The following SHROOM2 variants were observed in gnomAD, a reference collection of about 807,000 sequenced individuals.
SHROOM2 encodes shroom family member 2.
In SHROOM2, 33 loss-of-function variants were observed where a neutral mutation model predicts 75.9. The ratio of observed to expected loss-of-function variants is 0.43; its 90% confidence interval spans 0.33 to 0.58. SHROOM2 has a LOEUF of 0.58. Ranked by LOEUF, SHROOM2 falls within the 20% of genes least tolerant of loss-of-function variation. SHROOM2 has a pLI of 0.04. For missense variants in SHROOM2, 1,434 were observed against 1,461.2 expected, an observed-to-expected ratio of 0.98 and a Z score of 0.30; for synonymous variants, 655 against 663.6, an observed-to-expected ratio of 0.99 and a Z score of 0.20.
At chrX:9,825,309 C>T (rs1047105029) in intron 1 of SHROOM2, among the ~76,000 whole-genome samples, 3 of 112,282 alleles carry the variant, frequency 2.7e-5, no homozygotes, top group African/African-American at 9.7e-5. Context: ...GACTGTCTCC[C>T]TAGTAGAGGC....
chrX:9,876,116 A>T (rs2084199561), intron 2 of SHROOM2, among the ~76,000 whole-genome samples: 1 of 112,491 alleles, frequency 8.9e-6, no homozygotes, highest in African/African-American at 3.2e-5. Context: ...CTGCAGACCC[A>T]CTTTCCTTTA....
rs762022883 is a variant in SHROOM2 at position 9,792,308 on chromosome X, G to A, written c.165+5598G>A. ...TTCCAGCTTCTCTTTGGGGGAACAT[G>A]TCTTAGAAGGATAATACTATATCAT... On this transcript the variant is annotated intron_variant, in intron 1 of 9. Transcript: ENST00000380913. Among the ~76,000 whole-genome samples, 4 of 110,674 alleles carry A rather than the reference G, an allele frequency of 3.6e-5. No homozygotes were observed. In the South Asian group the frequency reaches 1.5e-3, roughly 43 times the overall value.
intron 5 of SHROOM2, among the ~76,000 whole-genome samples, chrX:9,915,643 T>C (rs2084483419): frequency 1.8e-5 from 2 of 112,510 alleles, no homozygotes; most frequent in African/African-American, 6.5e-5. Context: ...CTAGAAATTC[T>C]AGGAAAATTT....
chrX:9,894,345 C>G lies in SHROOM2; in HGVS notation c.450-13C>G, dbSNP rs1402376004. ...AAGCACACCATGCCTTGTCCTTCTTCTCATTCTTGCAGTTCTTCCTCCCAC... is the reference window on the plus strand; with the variant it reads ...AAGCACACCATGCCTTGTCCTTCTTGTCATTCTTGCAGTTCTTCCTCCCAC... On this transcript the variant is annotated splice_polypyrimidine_tract_variant and intron_variant, in intron 3 of 9. Transcript: ENST00000380913. 8.4e-7 allele frequency: 1 copy of G among 1,197,174 alleles called. No homozygotes were observed. Among genetic ancestry groups the G allele is most frequent in the East Asian group, 3.0e-5 (1 of 33,689 alleles).
In SHROOM2 at chrX:9,918,507, G is replaced by T. The variant is rs184018870; in HGVS notation, c.2892-13668G>T. 2.9e-4 allele frequency among the ~76,000 whole-genome samples: 32 copies of T among 111,249 alleles called. No homozygotes were observed. In the East Asian group the frequency reaches 3.4e-3, roughly 12 times the overall value. On this transcript the variant is annotated intron_variant, in intron 5 of 9. Coordinates refer to ENST00000380913, the MANE Select transcript of SHROOM2 (RefSeq NM_001649.4). ...ATATCTTTTCTTTTTTTGAGACAGG[G>T]TCTGGTTCTGTCACTCCAGGCTAGA...
rs188814351 is a variant in SHROOM2 at position 9,920,133 on chromosome X, G to A, written c.2892-12042G>A. 4.2e-3 allele frequency among the ~76,000 whole-genome samples: 430 copies of A among 101,687 alleles called. 1 individual carries two copies. Among genetic ancestry groups the A allele is most frequent in the African/African-American group, 0.014 (378 of 26,782 alleles). 88.3% of individuals were successfully genotyped at this position (101,687 alleles called of 115,157 possible). ...TACAACTCATCAGACATCTCAACTC[G>A]CTACAACTCATCAGACAGACATCTC... On this transcript the variant is annotated intron_variant, in intron 5 of 9. Coordinates refer to ENST00000380913, the MANE Select transcript of SHROOM2 (RefSeq NM_001649.4).
intron 5 of SHROOM2, among the ~76,000 whole-genome samples, chrX:9,918,437 G>T (rs773078650): frequency 8.9e-6 from 1 of 111,975 alleles, no homozygotes; most frequent in Admixed American, 9.5e-5. Context: ...TTCTACCTGT[G>T]TCCTCACATG....
At chrX:9,823,756 CTTTTTTCT>C (rs771550878) in intron 1 of SHROOM2, among the ~76,000 whole-genome samples, 12 of 85,890 alleles carry the variant, frequency 1.4e-4, no homozygotes, top group African/African-American at 1.7e-4. Flanking sequence ...TTTCTTTTTT[CTTTTTTCT>C]TTTTTTTTTT....
chrX:9,867,353 A>G (rs1228117610), intron 1 of SHROOM2, among the ~76,000 whole-genome samples: 1 of 111,440 alleles, frequency 9.0e-6, no homozygotes. Flanking sequence ...CTGGGCCGGC[A>G]TCGTCATGGG....
chrX:9,818,861 C>G (rs1221752991), intron 1 of SHROOM2: 1 of 516,844 alleles, frequency 1.9e-6, no homozygotes, highest in Non-Finnish European at 3.5e-6. Flanking sequence ...TTTGCATGAT[C>G]ACTGATTTCA....
chrX:9,812,595 C>A (rs1485806661), intron 1 of SHROOM2, among the ~76,000 whole-genome samples: 2 of 112,193 alleles, frequency 1.8e-5, no homozygotes, highest in Non-Finnish European at 3.8e-5. Context: ...TATTTCCCAT[C>A]CTCTGGCACG....
intron 1 of SHROOM2, among the ~76,000 whole-genome samples, chrX:9,805,139 G>A (rs913666750): frequency 4.5e-5 from 5 of 110,633 alleles, no homozygotes; most frequent in Non-Finnish European, 9.5e-5. Context: ...ATCTCACTCC[G>A]GAGGCTGAGG....
At chrX:9,890,939 A>G (rs1236657486) in intron 2 of SHROOM2, 38 bp from the exon 3 acceptor site, 2 of 1,165,746 alleles carry the variant, frequency 1.7e-6, no homozygotes, top group Non-Finnish European at 2.3e-6. Context: ...CGCTGTGTGC[A>G]GTCCCTGACC....
intron 5 of SHROOM2, among the ~76,000 whole-genome samples, chrX:9,922,553 G>A (rs778624846): frequency 9.1e-6 from 1 of 109,296 alleles, no homozygotes; most frequent in African/African-American, 3.3e-5. Context: ...TTCATTCAGG[G>A]TCGTGCCCCT....
At chrX:9,834,421 C>T (rs1342811065) in intron 1 of SHROOM2, among the ~76,000 whole-genome samples, 1 of 112,047 alleles carries the variant, frequency 8.9e-6, no homozygotes, top group South Asian at 3.7e-4. Context: ...CCTGCAGAAC[C>T]GAGCCGGCAA....
chrX:9,914,586 G>C (rs779149629), intron 5 of SHROOM2, among the ~76,000 whole-genome samples: 2 of 111,008 alleles, frequency 1.8e-5, no homozygotes, highest in African/African-American at 6.5e-5. Flanking sequence ...AAGGCTTGTA[G>C]ACATCCTTGG....
At chrX:9,917,514 G>GTTT (rs1422001719) in intron 5 of SHROOM2, among the ~76,000 whole-genome samples, 3 of 110,097 alleles carry the variant, frequency 2.7e-5, no homozygotes, top group Non-Finnish European at 3.8e-5. Flanking sequence ...TGTTGTTGTT[G>GTTT]TTGTTGTTGT....
At chrX:9,804,433 G>C (rs1161294467) in intron 1 of SHROOM2, among the ~76,000 whole-genome samples, 3 of 111,920 alleles carry the variant, frequency 2.7e-5, no homozygotes, top group African/African-American at 9.8e-5. Flanking sequence ...ATTCCTGGTA[G>C]CATCTTAGTG....
chrX:9,864,556 C>T (rs1186526833), intron 1 of SHROOM2, among the ~76,000 whole-genome samples: 5 of 111,078 alleles, frequency 4.5e-5, no homozygotes, highest in Non-Finnish European at 9.4e-5. Context: ...CGGTGGCTCA[C>T]GCCTGTAATC....
Sources: gnomAD v4.1 joint callset for allele counts (sites outside exome capture counted in the v4.1 genomes callset) on GRCh38, gnomAD v4.1.1 for gene constraint, MANE v1.5 for transcripts, NCBI Gene and HGNC (gene_info 2026-07-23, HGNC 2026-07-21) for gene names.